SYMPK: variants seen among roughly 807,000 people sequenced by gnomAD.
SYMPK encodes symplekin.
Under a neutral mutation model 136.4 loss-of-function variants are expected in SYMPK, and 49 were observed. The ratio of observed to expected loss-of-function variants is 0.36; its 90% CI spans 0.29 to 0.46. The LOEUF (loss-of-function observed/expected upper bound fraction) is 0.46. Among genes scored for constraint, SYMPK ranks in the 20% least tolerant of loss-of-function variants. The pLI is 1.00. For synonymous variants in SYMPK, 766 were observed against 713.0 expected, an observed-to-expected ratio of 1.07 and a Z score of -1.19; for missense variants, 1,365 against 1,690.0, an observed-to-expected ratio of 0.81 and a Z score of 3.37.
In SYMPK at chr19:45,821,254, A is replaced by C; in HGVS notation, c.2893+130T>G. On this transcript the variant is annotated intron_variant, in intron 22 of 26. Transcript: ENST00000245934. The surrounding 1 kb of genome is among the most constrained non-coding windows in gnomAD (Gnocchi z 4.4). ...GAGGGAGGGAGGGAGGTGGCTCTCC[A>C]GAGCTCTGAGGTGGGGCTGTGAGTG... 1.3e-6 allele frequency: 1 copy of C among 753,438 alleles called. No homozygotes were observed. The highest frequency in any genetic ancestry group is 2.4e-6 in the Non-Finnish European group (1 of 423,254). 46.7% of individuals were successfully genotyped at this position (753,438 alleles called of 1,614,324 possible).
At chr19:45,817,246 G>A in intron 23 of SYMPK, 1 of 452,366 alleles carries the variant, frequency 2.2e-6, no homozygotes, top group South Asian at 2.7e-5. Flanking sequence ...GCTAAGTGCT[G>A]CGGGAGCACC....
intron 5 of SYMPK, 32 bp from the exon 6 acceptor site, chr19:45,848,908 A>G (rs1441152643): frequency 2.5e-6 from 4 of 1,613,232 alleles, no homozygotes; most frequent in Admixed American, 1.7e-5. Flanking sequence ...GGCGAGGTCA[A>G]GGTGTGGTCT....
Position 45,860,555 on chromosome 19 carries a change from A to T in SYMPK, c.-13+2503T>A, listed in dbSNP as rs141839833. On this transcript the variant is annotated intron_variant, in intron 1 of 26. Coordinates refer to ENST00000245934, the MANE Select transcript of SYMPK (RefSeq NM_004819.3). ...AATATGTGCTAAGCACAATTCTAAG[A>T]TATACATATTAACTCATTTAAACCT... Among the ~76,000 whole-genome samples, 20 of 152,306 alleles carry T rather than the reference A, an allele frequency of 1.3e-4. No individual in the cohort carries two copies. In the East Asian group the frequency reaches 3.5e-3, roughly 26 times the overall value.
chr19:45,838,820 G>A (rs1971368706), intron 9 of SYMPK, among the ~76,000 whole-genome samples: 1 of 152,224 alleles, frequency 6.6e-6, no homozygotes, highest in Non-Finnish European at 1.5e-5. Context: ...CTGAACCTCA[G>A]ATCTCCTGAT....
chr19:45,861,068 C>A (rs938395229), intron 1 of SYMPK, among the ~76,000 whole-genome samples: 1 of 152,140 alleles, frequency 6.6e-6, no homozygotes, highest in Non-Finnish European at 1.5e-5. Context: ...ACCAGACAAC[C>A]GGCATGGCAT....
At chr19:45,862,945 C>A (rs1972010602) in intron 1 of SYMPK, 113 bp downstream of exon 1, 1 of 399,732 alleles carries the variant, frequency 2.5e-6, no homozygotes, top group Non-Finnish European at 4.4e-6. Flanking sequence ...AAACATGGGT[C>A]GCGAAAGCCA....
rs1970873944 is a variant in SYMPK, at chr19:45,820,917, A to G, written c.2893+467T>C. ...GCAGAGTGCTCAGTGAGTGGGGGCC[A>G]TCGTGAGGCGGCCAGTTCGTCACCA... On this transcript the variant is annotated intron_variant, in intron 22 of 26. Transcript: ENST00000245934. The G allele has an allele frequency of 2.4e-5, 14 of 572,860 alleles. No individual in the cohort carries two copies. In the South Asian group the frequency reaches 3.1e-4, roughly 13 times the overall value. 35.5% of individuals were successfully genotyped at this position (572,860 alleles called of 1,614,324 possible). A position where few individuals can be genotyped will look rare whatever the true frequency, so the allele number is the denominator to read the frequency against.
intron 8 of SYMPK, chr19:45,842,710 C>A (rs1971471983): frequency 5.2e-6 from 3 of 576,402 alleles, no homozygotes; most frequent in Non-Finnish European, 6.0e-6. Flanking sequence ...AAAACTCACC[C>A]TCTCTTTTAG....
chr19:45,857,627 G>A (rs1422289569), intron 1 of SYMPK, among the ~76,000 whole-genome samples: 1 of 150,658 alleles, frequency 6.6e-6, no homozygotes, highest in African/African-American at 2.4e-5. Context: ...CAGTAGCTGG[G>A]ACTACAGGCG....
At chr19:45,816,716 C>A (rs527303631) in intron 24 of SYMPK, 82 bp downstream of exon 24, 2 of 1,488,902 alleles carry the variant, frequency 1.3e-6, no homozygotes, top group Non-Finnish European at 1.8e-6. Context: ...CATCCAGTCC[C>A]CACCAACCAG....
At chr19:45,861,727 ACT>A (rs1200474702) in intron 1 of SYMPK, among the ~76,000 whole-genome samples, 3 of 143,844 alleles carry the variant, frequency 2.1e-5, no homozygotes, top group East Asian at 4.0e-4. Flanking sequence ...ACAGAGTGAG[ACT>A]CTGTCTCAAA....
chr19:45,829,329 G>A (rs772115357), intron 13 of SYMPK, 124 bp from the exon 14 acceptor site: 8 of 852,320 alleles, frequency 9.4e-6, no homozygotes, highest in Non-Finnish European at 1.5e-5. Context: ...GTGAAGCGAG[G>A]AAGGCCAGCC....
intron 18 of SYMPK, chr19:45,824,154 C>T (rs964070642): frequency 1.0e-5 from 4 of 388,330 alleles, no homozygotes; most frequent in South Asian, 6.0e-5. Flanking sequence ...GACCTGACCT[C>T]GAATGCCCAC....
chr19:45,856,559 G>A (rs775875915), intron 1 of SYMPK, among the ~76,000 whole-genome samples: 1 of 152,100 alleles, frequency 6.6e-6, no homozygotes, highest in Non-Finnish European at 1.5e-5. Context: ...ACTATTTTGA[G>A]GATTAAATGA....
At position 45,826,323 on chromosome 19, in the gene SYMPK, C is replaced by T; in HGVS notation, c.2232G>A (p.Gln744=). The part of the protein sequence containing the change: ...LFIKRMYEKE[Q]LREYVEKFAL... ...CAAATTTCTCCACATACTCCCGCAG[C>T]TGCTCCTTCTCATACATGCGTTTGA... is the stretch of plus-strand genomic sequence containing the variant. Residue 744 remains glutamine (Q), a synonymous_variant, in exon 17 of 27, where the codon CAG becomes CAA. Transcript: ENST00000245934. The T allele has an allele frequency of 6.2e-7, 1 of 1,614,156 alleles. No individual in the cohort carries two copies. Among genetic ancestry groups the T allele is most frequent in the Non-Finnish European group, 8.5e-7 (1 of 1,180,016 alleles).
chr19:45,845,685 C>G (rs1441741596), intron 7 of SYMPK, among the ~76,000 whole-genome samples: 1 of 152,178 alleles, frequency 6.6e-6, no homozygotes, highest in African/African-American at 2.4e-5. Flanking sequence ...CTTTTTGATA[C>G]AGTGATTTCC....
intron 19 of SYMPK, 68 bp from the exon 20 acceptor site, chr19:45,823,540 G>T: frequency 2.7e-6 from 4 of 1,457,474 alleles, no homozygotes; most frequent in South Asian, 2.3e-5. Flanking sequence ...TGGGCACCCA[G>T]GAAAGAGAAG....
chr19:45,842,561 C>T lies in SYMPK; in HGVS notation c.848-72G>A, dbSNP rs978535672. ...CATGCTGCCAGTCTTAATTCTCAAC[C>T]CCAAACTTGGGCAGTGGTCTTGCAG... On this transcript the variant is annotated intron_variant, in intron 8 of 26. Coordinates refer to ENST00000245934, the MANE Select transcript of SYMPK (RefSeq NM_004819.3). 3.2e-6 allele frequency: 5 copies of T among 1,572,464 alleles called. No individual in the cohort carries two copies. The East Asian group carries it at 1.1e-4, about 36-fold the overall frequency.
At chr19:45,834,055 A>T (rs998936842) in intron 11 of SYMPK, among the ~76,000 whole-genome samples, 11 of 152,220 alleles carry the variant, frequency 7.2e-5, no homozygotes, top group African/African-American at 1.9e-4. Context: ...TGGGAGGCCA[A>T]GGCGGGTGGA....
Sources: allele counts gnomAD v4.1 joint callset (sites outside exome capture counted in the v4.1 genomes callset), GRCh38; gene constraint gnomAD v4.1.1; non-coding constraint Gnocchi (gnomAD v3.1); transcripts MANE v1.5; gene names NCBI Gene and HGNC (gene_info 2026-07-23, HGNC 2026-07-21).